The following VWA2 variants were observed in gnomAD, a reference collection of about 807,000 sequenced individuals.
VWA2 encodes the protein von Willebrand factor A domain containing 2, also known as von Willebrand factor A domain-containing protein 2.
Under a neutral mutation model 70.4 loss-of-function variants are expected in VWA2, and 73 were observed. The ratio of observed to expected loss-of-function variants is 1.04; its 90% CI spans 0.86 to 1.26. The LOEUF is 1.26. Among genes scored for constraint, VWA2 ranks in the 50% most tolerant of loss-of-function variants. VWA2 has a pLI of 0.00. For missense variants in VWA2, 1,011 were observed against 998.5 expected (o/e 1.01, Z -0.17); for synonymous variants, 407 against 423.3 (o/e 0.96, Z 0.47).
At chr10:114,242,222 G>A (rs2036985187) in intron 1 of VWA2, among the ~76,000 whole-genome samples, 1 of 152,120 alleles carries the variant, frequency 6.6e-6, no homozygotes, top group African/African-American at 2.4e-5. Flanking sequence ...CTTGCCCCGG[G>A]AGCCTTTGCA....
intron 3 of VWA2, 125 bp downstream of exon 3, chr10:114,253,850 A>G (rs12245942): frequency 0.014 from 12,724 of 927,702 alleles, 145 homozygotes; most frequent in Non-Finnish European, 0.017. Flanking sequence ...TGCTCTGGCC[A>G]GAGTCATTTT....
At chr10:114,269,028 T>C (rs1465746462) in intron 5 of VWA2, among the ~76,000 whole-genome samples, 1 of 149,052 alleles carries the variant, frequency 6.7e-6, no homozygotes, top group Admixed American at 6.7e-5. Context: ...AGGGATTTCT[T>C]CTCACTTCTC....
chr10:114,278,569 T>A lies in VWA2; in HGVS notation c.701-150T>A, dbSNP rs1026270656. On this transcript the variant is annotated intron_variant, in intron 7 of 13. Coordinates refer to ENST00000392982, the MANE Select transcript of VWA2 (RefSeq NM_001272046.2). The stretch of plus-strand genomic sequence containing the variant: ...CAGAGCAGGGCCCTTCACCCAGAGA[T>A]ATGCCCTGACCTGAGAGAGCAGAAA... The A allele has an allele frequency of 2.7e-6, 3 of 1,118,120 alleles. No homozygotes were observed. The Admixed American group carries it at 6.8e-5, about 25-fold the overall frequency. The allele number at this position is 1,118,120 out of a possible 1,614,324, so 69.3% of individuals were successfully genotyped here. A position where few individuals can be genotyped will look rare whatever the true frequency, so the allele number is the denominator to read the frequency against.
rs2039274602 is a variant in VWA2, at chr10:114,289,134, C to T, written c.1767C>T (p.Pro589=). ...VQTAFGLDTK[P]TRAAMLRAIS... is the part of the protein sequence containing the mutation. ...CTGCCTTCGGGCTGGACACCAAACCCACCCGGGCTGCGATGCTGCGGGCCA... is the reference window on the plus strand; with the variant it reads ...CTGCCTTCGGGCTGGACACCAAACCTACCCGGGCTGCGATGCTGCGGGCCA... Residue 589 remains proline, a synonymous_variant, in exon 12 of 14, where the codon CCC becomes CCT. Transcript: ENST00000392982. 3 of 1,613,922 alleles carry T rather than the reference C, an allele frequency of 1.9e-6. No homozygotes were observed. The highest frequency in any genetic ancestry group is 1.3e-5 in the African/African-American group (1 of 74,932).
At chr10:114,283,920 A>T (rs1339755678) in intron 9 of VWA2, among the ~76,000 whole-genome samples, 3 of 152,228 alleles carry the variant, frequency 2.0e-5, no homozygotes, top group African/African-American at 4.8e-5. Context: ...CAAGAAAGAG[A>T]TTAATATTTG....
At chr10:114,246,797 C>A in intron 1 of VWA2, 1 of 1,091,250 alleles carries the variant, frequency 9.2e-7, no homozygotes, top group Non-Finnish European at 1.4e-6. Flanking sequence ...TTTATTTTAC[C>A]ATTGACTGCT....
At chr10:114,253,759 C>T (rs1177850953) in intron 3 of VWA2, 34 bp downstream of exon 3, 6 of 1,580,838 alleles carry the variant, frequency 3.8e-6, no homozygotes, top group Non-Finnish European at 8.7e-7. Flanking sequence ...CTCCAGATGC[C>T]CACTCAGACC....
At chr10:114,252,989 ACAT>A (rs2037229993) in intron 2 of VWA2, among the ~76,000 whole-genome samples, 1 of 151,642 alleles carries the variant, frequency 6.6e-6, no homozygotes, top group Admixed American at 6.6e-5. Context: ...CTGTCACTGC[ACAT>A]TGACATTTAC....
At position 114,293,951 on chromosome 10, in the gene VWA2, A is replaced by G. The variant is rs1018652629; in HGVS notation, c.*2714A>G. The stretch of plus-strand genomic sequence containing the variant: ...TCATAATAATTGTTTTCTATGGGTT[A>G]CTTATCAGTTTAAGAATGCTTAATT... On this transcript the variant is annotated 3_prime_UTR_variant, in exon 14 of 14. Transcript: ENST00000392982. 6.6e-6 allele frequency among the ~76,000 whole-genome samples: 1 copy of G among 152,168 alleles called. No individual in the cohort carries two copies. The highest frequency in any genetic ancestry group is 2.4e-5 in the African/African-American group (1 of 41,442).
intron 5 of VWA2, among the ~76,000 whole-genome samples, chr10:114,262,446 TG>T (rs2037465330): frequency 6.6e-6 from 1 of 152,100 alleles, no homozygotes; most frequent in Non-Finnish European, 1.5e-5. Flanking sequence ...AATAATGACT[TG>T]ATTTGCCCCT....
chr10:114,274,449 G>C (rs1457037519), intron 6 of VWA2, among the ~76,000 whole-genome samples: 1 of 152,144 alleles, frequency 6.6e-6, no homozygotes, highest in African/African-American at 2.4e-5. Context: ...GAGGGAAGCA[G>C]CTGCAGCCTC....
At chr10:114,289,810 A>G in intron 12 of VWA2, 1 of 400,746 alleles carries the variant, frequency 2.5e-6, no homozygotes, top group Admixed American at 3.7e-5. Flanking sequence ...CCACATTCAC[A>G]CTGACTTGGG....
chr10:114,248,817 G>A lies in VWA2; in HGVS notation c.52+52G>A, dbSNP rs756825131. On this transcript the variant is annotated intron_variant, in intron 2 of 13. Coordinates refer to ENST00000392982, the MANE Select transcript of VWA2 (RefSeq NM_001272046.2). ...AAGTACTGGCGTGTTGAGTAGGGGG[G>A]TTGCTTGCTTCAAATCCTGTTGATT... The A allele has an allele frequency of 7.8e-6, 12 of 1,539,212 alleles. No homozygotes were observed. In the East Asian group the frequency reaches 2.7e-4, roughly 35 times the overall value.
Position 114,286,085 on chromosome 10 carries a change from G to C in VWA2, c.1144G>C (p.Val382Leu). 6.2e-7 allele frequency: 1 copy of C among 1,614,172 alleles called. No homozygotes were observed. Among genetic ancestry groups the C allele is most frequent in the Non-Finnish European group, 8.5e-7 (1 of 1,180,044 alleles). ...AVLSEDSRAR[V>L]GVATYSRELL... ...GCTGAGCGAGGACTCTCGGGCCCGA[G>C]TGGGTGTGGCCACATACAGCAGGGA... The change falls in exon 11 of 14, where the codon GTG becomes CTG. Residue 382 changes from valine to leucine, a missense_variant. Coordinates refer to ENST00000392982, the MANE Select transcript of VWA2 (RefSeq NM_001272046.2).
At chr10:114,273,275 CG>C (rs2037752179) in intron 6 of VWA2, among the ~76,000 whole-genome samples, 1 of 152,120 alleles carries the variant, frequency 6.6e-6, no homozygotes, top group Non-Finnish European at 1.5e-5. Flanking sequence ...TCAGTGTCAT[CG>C]AGATTCTTCC....
intron 1 of VWA2, among the ~76,000 whole-genome samples, chr10:114,247,685 C>T (rs546077239): frequency 7.8e-4 from 118 of 151,916 alleles, no homozygotes; most frequent in African/African-American, 2.8e-3. Context: ...CAAAACGGAG[C>T]TGGATGTATC....
chr10:114,260,003 C>T (rs1324057095), intron 4 of VWA2, among the ~76,000 whole-genome samples: 3 of 152,278 alleles, frequency 2.0e-5, no homozygotes, highest in East Asian at 1.9e-4. Context: ...CCACGCCTGT[C>T]GAGGGAACGG....
chr10:114,281,646 G>T, intron 8 of VWA2: 1 of 749,470 alleles, frequency 1.3e-6, no homozygotes, highest in Non-Finnish European at 1.6e-6. Flanking sequence ...GACCTGCAGA[G>T]CCTCGTGTGG....
intron 4 of VWA2, 129 bp downstream of exon 4, chr10:114,255,177 TC>T: frequency 8.4e-7 from 1 of 1,194,216 alleles, no homozygotes; most frequent in Non-Finnish European, 1.2e-6. Context: ...GAATCCTGGT[TC>T]CTGGCATGGT....
Sources: gnomAD v4.1 joint callset for allele counts (sites outside exome capture counted in the v4.1 genomes callset) on GRCh38, gnomAD v4.1.1 for gene constraint, MANE v1.5 for transcripts, NCBI Gene and HGNC (gene_info 2026-07-23, HGNC 2026-07-21) for gene names.